GABRA5: variants seen among roughly 807,000 people sequenced by gnomAD.
The protein encoded by GABRA5 is gamma-aminobutyric acid type A receptor subunit alpha5.
In GABRA5, 18 loss-of-function variants were observed where a neutral mutation model predicts 47.3. The ratio of observed to expected loss-of-function variants is 0.38; its 90% CI spans 0.26 to 0.56. The LOEUF (loss-of-function observed/expected upper bound fraction) is 0.56, where lower values mean the gene tolerates loss of function less well. GABRA5 is among the 20% of genes least tolerant of loss of function. The probability of loss-of-function intolerance (pLI) is 0.71; values close to 1 mark genes in which losing one functional copy is unlikely to be tolerated. For synonymous variants in GABRA5, 237 were observed against 229.3 expected (o/e 1.03, Z -0.30); for missense variants, 365 against 599.3 (o/e 0.61, Z 4.08).
chr15:26,890,576 C>T (rs1007316129), intron 6 of GABRA5, among the ~76,000 whole-genome samples: 1 of 152,084 alleles, frequency 6.6e-6, no homozygotes, highest in African/African-American at 2.4e-5. Context: ...GCCGATCTCC[C>T]TGTAGGCACG....
intron 6 of GABRA5, among the ~76,000 whole-genome samples, chr15:26,904,312 A>G (rs1233233286): frequency 6.6e-6 from 1 of 151,982 alleles, no homozygotes; most frequent in African/African-American, 2.4e-5. Context: ...GTACTGTTCC[A>G]CTGATCTATG....
chr15:26,902,641 T>C (rs1229547476), intron 6 of GABRA5, among the ~76,000 whole-genome samples: 1 of 152,110 alleles, frequency 6.6e-6, no homozygotes, highest in East Asian at 1.9e-4. Flanking sequence ...CTTCCTTTAC[T>C]TGTCTTATTA....
chr15:26,905,314 C>T (rs1893419687), intron 6 of GABRA5, among the ~76,000 whole-genome samples: 1 of 151,626 alleles, frequency 6.6e-6, no homozygotes, highest in African/African-American at 2.4e-5. Context: ...TTAGTATTTC[C>T]TCCCACCACC....
chr15:26,880,685 G>GT, intron 3 of GABRA5, 161 bp from the exon 4 acceptor site: 1 of 605,760 alleles, frequency 1.7e-6, no homozygotes, highest in East Asian at 3.0e-5. Context: ...GAACTGAGGT[G>GT]TATCAAGGCC....
intron 6 of GABRA5, among the ~76,000 whole-genome samples, chr15:26,892,724 G>T (rs1275974286): frequency 6.6e-6 from 1 of 152,194 alleles, no homozygotes; most frequent in East Asian, 1.9e-4. Context: ...CGAGCAGAGG[G>T]GCTGTTACTT....
At chr15:26,911,266 A>G (rs1893577642) in intron 6 of GABRA5, among the ~76,000 whole-genome samples, 1 of 151,966 alleles carries the variant, frequency 6.6e-6, no homozygotes, top group Non-Finnish European at 1.5e-5. Context: ...TCTTTTTTAC[A>G]TTTTTACTGG....
intron 7 of GABRA5, among the ~76,000 whole-genome samples, chr15:26,925,169 A>G (rs922801163): frequency 5.3e-5 from 8 of 151,686 alleles, no homozygotes; most frequent in Non-Finnish European, 1.0e-4. Flanking sequence ...TTTGTCTTTC[A>G]CCAAATTTGA....
chr15:26,889,920 C>T (rs1161942954), intron 6 of GABRA5, among the ~76,000 whole-genome samples: 2 of 152,166 alleles, frequency 1.3e-5, no homozygotes, highest in African/African-American at 4.8e-5. Context: ...TGTGTATGCA[C>T]ACATAGTCTC....
chr15:26,906,065 G>A (rs1330966513), intron 6 of GABRA5, among the ~76,000 whole-genome samples: 1 of 151,840 alleles, frequency 6.6e-6, no homozygotes, highest in Non-Finnish European at 1.5e-5. Flanking sequence ...TTGAAAATAG[G>A]ATATTTTGAT....
intron 7 of GABRA5, among the ~76,000 whole-genome samples, chr15:26,936,783 G>A (rs768924878): frequency 6.6e-5 from 10 of 152,176 alleles, no homozygotes; most frequent in Non-Finnish European, 1.3e-4. Context: ...CATAGCCAGA[G>A]CCCTCAGACA....
At chr15:26,920,490 T>C (rs922984560) in intron 7 of GABRA5, among the ~76,000 whole-genome samples, 4 of 152,244 alleles carry the variant, frequency 2.6e-5, no homozygotes, top group Non-Finnish European at 5.9e-5. Flanking sequence ...TTATTGAAAA[T>C]TCACTTTGTT....
intron 3 of GABRA5, among the ~76,000 whole-genome samples, chr15:26,876,318 C>T (rs1335978235): frequency 6.6e-6 from 1 of 152,110 alleles, no homozygotes; most frequent in Non-Finnish European, 1.5e-5. Flanking sequence ...GGCATTTAAG[C>T]CACTGGTTTG....
rs775162132 is a variant in GABRA5, at chr15:26,883,169, G to A, written c.212G>A (p.Arg71His). ...GGGACCTGTGTCTGTCTTTCAGAGC[G>A]CATCACTCAGGTGAGGACCGACATC... ...DNRLRPGLGE[R>H]ITQVRTDIYV... Residue 71 changes from arginine to histidine, a missense_variant, in exon 5 of 11, where the codon CGC becomes CAC. Arg to His is a conservative substitution (Grantham distance 29, BLOSUM62 0). Around this residue, in one of 3 missense-constraint regions of GABRA5, gnomAD observed 216 missense variants for 335.3 expected, o/e 0.64. Coordinates refer to ENST00000335625, the MANE Select transcript of GABRA5 (RefSeq NM_000810.4). The surrounding 1 kb of genome is among the most constrained non-coding windows in gnomAD (Gnocchi z 4.8). The A allele has an allele frequency of 1.7e-5, 27 of 1,613,428 alleles. No individual in the cohort carries two copies. The highest frequency in any genetic ancestry group is 9.3e-6 in the Non-Finnish European group (11 of 1,179,504).
intron 3 of GABRA5, among the ~76,000 whole-genome samples, chr15:26,879,261 T>C (rs1456323681): frequency 6.6e-6 from 1 of 152,200 alleles, no homozygotes; most frequent in Non-Finnish European, 1.5e-5. Flanking sequence ...AAGTGCATCA[T>C]GAAGCCAGAT....
chr15:26,880,278 C>A (rs1746946206), intron 3 of GABRA5, among the ~76,000 whole-genome samples: 1 of 152,152 alleles, frequency 6.6e-6, no homozygotes, highest in African/African-American at 2.4e-5. Flanking sequence ...AGGGGCAGGA[C>A]CCCAGAGATG....
intron 6 of GABRA5, among the ~76,000 whole-genome samples, chr15:26,901,878 A>C (rs971841747): frequency 6.6e-6 from 1 of 152,122 alleles, no homozygotes; most frequent in Admixed American, 6.6e-5. Context: ...GTGCATGCCC[A>C]TTTGGTCCAG....
rs1442776252 is a variant in GABRA5 at position 26,867,778 on chromosome 15, G to C, written c.-140+667G>C. The stretch of plus-strand genomic sequence containing the variant: ...GGCGCGCGGCGTCCCGGCGCTGCTC[G>C]CGGGGTGGACTCGGACCCCGCGGGG... On this transcript the variant is annotated intron_variant, in intron 1 of 10. Coordinates refer to ENST00000335625, the MANE Select transcript of GABRA5 (RefSeq NM_000810.4). This position sits in a 1 kb window ranked among gnomAD's most constrained non-coding sequence, Gnocchi z 5.9. The C allele has an allele frequency of 6.6e-6, 1 of 152,046 alleles. No homozygotes were observed. The highest frequency in any genetic ancestry group is 6.5e-5 in the Admixed American group (1 of 15,278). 9.4% of individuals were successfully genotyped at this position (152,046 alleles called of 1,614,324 possible).
intron 6 of GABRA5, among the ~76,000 whole-genome samples, chr15:26,893,317 A>ATGCTGTGGTGTATGTG (rs1893069153): frequency 1.8e-4 from 1 of 5,548 alleles, no homozygotes; most frequent in Non-Finnish European, 3.9e-4. Context: ...TGTTGTGTGT[A>ATGCTGTGGTGTATGTG]TATGGCGTGT....
At chr15:26,913,762 G>C (rs1309149722) in intron 6 of GABRA5, among the ~76,000 whole-genome samples, 1 of 152,198 alleles carries the variant, frequency 6.6e-6, no homozygotes, top group African/African-American at 2.4e-5. Context: ...AAAGGTGGTA[G>C]AGAAATGAAA....
Sources: allele counts gnomAD v4.1 joint callset (sites outside exome capture counted in the v4.1 genomes callset), GRCh38; gene constraint gnomAD v4.1.1; regional missense constraint gnomAD v4.1.1; non-coding constraint Gnocchi (gnomAD v3.1); transcripts MANE v1.5; gene names NCBI Gene and HGNC (gene_info 2026-07-23, HGNC 2026-07-21).